ZFHX3: variants seen among roughly 807,000 people sequenced by gnomAD.
The protein encoded by ZFHX3 is zinc finger homeobox protein 3.
A neutral mutation model predicts 279.1 loss-of-function variants in ZFHX3; 42 were observed. The ratio of observed to expected loss-of-function variants is 0.15; its 90% CI spans 0.12 to 0.19. ZFHX3 has a LOEUF of 0.19. Among genes scored for constraint, ZFHX3 ranks in the 10% least tolerant of loss-of-function variants. ZFHX3 has a pLI of 1.00. For synonymous variants in ZFHX3, 2,293 were observed against 1,957.8 expected (o/e 1.17, Z -4.52); for missense variants, 4,981 against 4,754.0 (o/e 1.05, Z -1.40).
At chr16:73,243,222 G>T (rs1459385574) in intron 5 of ZFHX3, among the ~76,000 whole-genome samples, 1 of 152,224 alleles carries the variant, frequency 6.6e-6, no homozygotes, top group Non-Finnish European at 1.5e-5. Flanking sequence ...CTGGTGGGAT[G>T]GGTGTCCCTT....
chr16:73,449,479 T>A (rs530433978), intron 3 of ZFHX3, among the ~76,000 whole-genome samples: 2 of 152,092 alleles, frequency 1.3e-5, no homozygotes, highest in South Asian at 2.1e-4. Context: ...CTGGGCAACA[T>A]AGCAAGACCC....
rs140922670 is a variant in ZFHX3, at chr16:73,483,298, C to T, written c.-1546-27040G>A. 7.2e-3 allele frequency: 3,156 copies of T among 440,406 alleles called. 23 individuals carry two copies. The highest frequency in any genetic ancestry group is 0.028 in the Middle Eastern group (43 of 1,554). The allele number at this position is 440,406 out of a possible 1,614,324, so 27.3% of individuals were successfully genotyped here. A position where few individuals can be genotyped will look rare whatever the true frequency, so the allele number is the denominator to read the frequency against. ...CGCATAGACACGTGCACGGAGCCTC[C>T]GAGAGAGAGCGAGAGACCAAGAGCG... On this transcript the variant is annotated intron_variant, in intron 2 of 17. Coordinates refer to the ZFHX3 transcript ENST00000641206.
chr16:73,265,216 T>G lies in ZFHX3; in HGVS notation c.-1193-8080A>C, dbSNP rs1481298304. On this transcript the variant is annotated intron_variant, in intron 4 of 17. Transcript: ENST00000641206. ...AAACACACATGTGCAAGTATCTTTT[T>G]CGTCTGGTGACTTCTTGGGAACACC... Among the ~76,000 whole-genome samples the G allele has an allele frequency of 2.0e-5, 3 of 152,124 alleles. No individual in the cohort carries two copies. The East Asian group carries it at 5.8e-4, about 29-fold the overall frequency.
rs2035782070 is a variant in ZFHX3, at chr16:72,793,405, G to A, written c.9277C>T (p.Leu3093=). The change falls in exon 9 of 10, where the codon CTG becomes TTG. Residue 3093 remains leucine, a synonymous_variant. Transcript: ENST00000268489. This position sits in a 1 kb window ranked among gnomAD's most constrained non-coding sequence, Gnocchi z 4.3. ...RIKKANEVLG[L]AAQQQGMFDN... ...AACATCCCTTGCTGCTGAGCTGCCA[G>A]TCCAAGGACCTCGTTGGCCTTTTTA... is the stretch of plus-strand genomic sequence containing the variant. 2 of 1,614,240 alleles carry A rather than the reference G, an allele frequency of 1.2e-6. No individual in the cohort carries two copies. The highest frequency in any genetic ancestry group is 4.5e-5 in the East Asian group (2 of 44,884).
chr16:73,366,938 A>T (rs1445332999), intron 3 of ZFHX3, among the ~76,000 whole-genome samples: 1 of 152,190 alleles, frequency 6.6e-6, no homozygotes, highest in Non-Finnish European at 1.5e-5. Context: ...TTTAACTCCC[A>T]ACATTCTGAG....
intron 1 of ZFHX3, among the ~76,000 whole-genome samples, chr16:73,031,961 C>T (rs1031940662): frequency 2.6e-5 from 4 of 151,572 alleles, no homozygotes; most frequent in African/African-American, 9.7e-5. Flanking sequence ...GGCATTGCCT[C>T]AAAACTTTAT....
In ZFHX3 at chr16:73,671,911, G is replaced by A. The variant is rs146834178; in HGVS notation, c.-1547+8269C>T. On this transcript the variant is annotated intron_variant, in intron 2 of 17. Transcript: ENST00000641206. Reference sequence around the variant, plus strand: ...CTCTCTCATTATACATATAGAAAAAGCATGTCTCACTTGCCAATCTTCAGC... The same window carrying A: ...CTCTCTCATTATACATATAGAAAAAACATGTCTCACTTGCCAATCTTCAGC... Among the ~76,000 whole-genome samples, 110 of 151,544 alleles carry A rather than the reference G, an allele frequency of 7.3e-4. 1 individual carries two copies. The highest frequency in any genetic ancestry group is 1.4e-3 in the Admixed American group (22 of 15,200).
intron 7 of ZFHX3, among the ~76,000 whole-genome samples, chr16:73,097,307 A>G (rs55930347): frequency 0.033 from 4,843 of 148,876 alleles, 267 homozygotes; most frequent in African/African-American, 0.11. Flanking sequence ...TTCTCAAGCA[A>G]TCCTCCCCAC....
At chr16:73,860,544 C>T (rs1217480919) in intron 1 of ZFHX3, among the ~76,000 whole-genome samples, 1 of 152,182 alleles carries the variant, frequency 6.6e-6, no homozygotes, top group Non-Finnish European at 1.5e-5. Context: ...ACAAATGCAT[C>T]ACATAAAAAG....
At chr16:73,257,041 A>G (rs1434373912) in intron 5 of ZFHX3, 1 of 152,200 alleles carries the variant, frequency 6.6e-6, no homozygotes, top group Non-Finnish European at 1.5e-5. Context: ...AAGAAACGGC[A>G]CCTACCTTCT....
chr16:73,410,136 G>T (rs990692557), intron 3 of ZFHX3, among the ~76,000 whole-genome samples: 2 of 152,178 alleles, frequency 1.3e-5, no homozygotes, highest in African/African-American at 4.8e-5. Context: ...ACTGCAAGAG[G>T]CAGGCATGGT....
chr16:72,939,022 C>A (rs1960274446), intron 3 of ZFHX3, among the ~76,000 whole-genome samples: 2 of 124,814 alleles, frequency 1.6e-5, no homozygotes, highest in Admixed American at 7.8e-5. Flanking sequence ...GACACATAGC[C>A]CTGGGACCCG....
At chr16:73,372,940 A>G (rs1313037164) in intron 3 of ZFHX3, among the ~76,000 whole-genome samples, 4 of 152,166 alleles carry the variant, frequency 2.6e-5, no homozygotes, top group Non-Finnish European at 5.9e-5. Flanking sequence ...TGGCTAAAAT[A>G]AATAACAGTC....
At chr16:72,906,179 C>T (rs1158143165) in intron 3 of ZFHX3, among the ~76,000 whole-genome samples, 2 of 151,846 alleles carry the variant, frequency 1.3e-5, no homozygotes, top group Non-Finnish European at 2.9e-5. Context: ...CTCTCCAGCT[C>T]CTAGTGGAAT....
At position 73,451,882 on chromosome 16, in the gene ZFHX3, T is replaced by C. The variant is rs543793263; in HGVS notation, c.-1291+4121A>G. On this transcript the variant is annotated intron_variant, in intron 3 of 17. Transcript: ENST00000641206. ...TGTGATAAACACAACACCGTCATTTTGAGCCCAACTTTCTTCTTGAAAAAT... is the reference window on the plus strand; with the variant it reads ...TGTGATAAACACAACACCGTCATTTCGAGCCCAACTTTCTTCTTGAAAAAT... 2.0e-5 allele frequency among the ~76,000 whole-genome samples: 3 copies of C among 152,372 alleles called. No individual in the cohort carries two copies. The South Asian group carries it at 6.2e-4, about 32-fold the overall frequency.
At chr16:73,312,169 G>T (rs2064019134) in intron 4 of ZFHX3, among the ~76,000 whole-genome samples, 1 of 152,044 alleles carries the variant, frequency 6.6e-6, no homozygotes, top group Non-Finnish European at 1.5e-5. Context: ...GTAGTAAGGA[G>T]CTTGAAATTG....
intron 1 of ZFHX3, among the ~76,000 whole-genome samples, chr16:73,823,161 T>C (rs1443456712): frequency 6.6e-6 from 1 of 152,162 alleles, no homozygotes; most frequent in African/African-American, 2.4e-5. Context: ...TCAGTATTTA[T>C]AATGAGGAAA....
chr16:73,795,067 G>A (rs770106521), intron 1 of ZFHX3, among the ~76,000 whole-genome samples: 1 of 152,138 alleles, frequency 6.6e-6, no homozygotes, highest in African/African-American at 2.4e-5. Context: ...ACAAGTATTG[G>A]CTCAAGCAAA....
chr16:73,399,953 A>T (rs756383816), intron 3 of ZFHX3, among the ~76,000 whole-genome samples: 1 of 152,104 alleles, frequency 6.6e-6, no homozygotes, highest in Non-Finnish European at 1.5e-5. Context: ...CTAAGCCTGC[A>T]TGCACAGTAA....
Sources: gnomAD v4.1 joint callset for allele counts (sites outside exome capture counted in the v4.1 genomes callset) on GRCh38, gnomAD v4.1.1 for gene constraint, Gnocchi (gnomAD v3.1) non-coding constraint, MANE v1.5 for transcripts, NCBI Gene and HGNC (gene_info 2026-07-23, HGNC 2026-07-21) for gene names.